ZNF407: variants seen among roughly 807,000 people sequenced by gnomAD.
ZNF407 encodes the protein zinc finger protein 407.
A neutral mutation model predicts 131.2 loss-of-function variants in ZNF407; 17 were observed. The observed-to-expected ratio is 0.13, with a 90% CI of 0.09 to 0.19. ZNF407 has a LOEUF of 0.19. Ranked by LOEUF, ZNF407 falls within the 10% of genes least tolerant of loss-of-function variation. The pLI is 1.00. For synonymous variants in ZNF407, 1,156 were observed against 1,062.0 expected (o/e 1.09, Z -1.72); for missense variants, 2,681 against 2,830.6 (o/e 0.95, Z 1.20).
At position 74,850,145 on chromosome 18, in the gene ZNF407, C is replaced by A. The variant is rs562416075; in HGVS notation, c.4878-27052C>A. Among the ~76,000 whole-genome samples, 489 of 152,306 alleles carry A rather than the reference C, an allele frequency of 3.2e-3. 4 individuals are homozygous for A. Among genetic ancestry groups the A allele is most frequent in the Admixed American group, 5.0e-3 (77 of 15,294 alleles). On this transcript the variant is annotated intron_variant, in intron 4 of 8. Coordinates refer to ENST00000299687, the MANE Select transcript of ZNF407 (RefSeq NM_017757.3). ...GAAATTTTAAAAACACTGAACACTA[C>A]AAATATTTACCATTTTTGCACTTTT...
chr18:74,721,010 T>C (rs559084291), intron 3 of ZNF407, among the ~76,000 whole-genome samples: 1 of 152,134 alleles, frequency 6.6e-6, no homozygotes, highest in South Asian at 2.1e-4. Flanking sequence ...TTTCAGAGTT[T>C]TTTTTTCTAT....
At chr18:74,743,071 G>A (rs146520486) in intron 3 of ZNF407, among the ~76,000 whole-genome samples, 1 of 152,242 alleles carries the variant, frequency 6.6e-6, no homozygotes, top group Non-Finnish European at 1.5e-5. Flanking sequence ...TGGAATTGGA[G>A]GAGTGAAGAT....
chr18:74,609,987 C>G (rs1982983495), intron 1 of ZNF407, among the ~76,000 whole-genome samples: 1 of 152,132 alleles, frequency 6.6e-6, no homozygotes, highest in East Asian at 1.9e-4. Context: ...TAAATTGTCT[C>G]TATTCTCAAA....
intron 3 of ZNF407, among the ~76,000 whole-genome samples, chr18:74,773,346 A>T (rs1194095519): frequency 6.7e-6 from 1 of 148,916 alleles, no homozygotes; most frequent in African/African-American, 2.6e-5. Flanking sequence ...AGTGGTTTGG[A>T]ACTATCAGTA....
intron 4 of ZNF407, among the ~76,000 whole-genome samples, chr18:74,824,020 C>G (rs1379189957): frequency 3.9e-5 from 6 of 152,170 alleles, no homozygotes; most frequent in Non-Finnish European, 4.4e-5. Flanking sequence ...GTCTCTCAGA[C>G]CACAGTGGAA....
intron 4 of ZNF407, among the ~76,000 whole-genome samples, chr18:74,834,238 CA>C (rs1970524952): frequency 6.6e-6 from 1 of 152,194 alleles, no homozygotes; most frequent in African/African-American, 2.4e-5. Context: ...AAAATTTTCA[CA>C]GCTGATTTAG....
intron 3 of ZNF407, among the ~76,000 whole-genome samples, chr18:74,737,986 T>C (rs1968456456): frequency 6.6e-6 from 1 of 152,190 alleles, no homozygotes; most frequent in South Asian, 2.1e-4. Context: ...TGGTTTATTT[T>C]GTATTTTGTG....
In ZNF407 at chr18:74,950,077, C is replaced by T. The variant is rs114453389; in HGVS notation, c.5428+29385C>T. On this transcript the variant is annotated intron_variant, in intron 8 of 8. Transcript: ENST00000299687. ...ATGGGTGGTGGAAGCACTGAATGGC[C>T]ATAAGACATCCACTGAATGCCAGCT... is the stretch of plus-strand genomic sequence containing the variant. 9.2e-3 allele frequency among the ~76,000 whole-genome samples: 1,407 copies of T among 152,248 alleles called. 25 individuals carry two copies. Among genetic ancestry groups the T allele is most frequent in the African/African-American group, 0.031 (1,275 of 41,554 alleles).
intron 3 of ZNF407, among the ~76,000 whole-genome samples, chr18:74,676,544 C>T (rs1158314414): frequency 6.6e-6 from 1 of 151,382 alleles, no homozygotes; most frequent in Non-Finnish European, 1.5e-5. Flanking sequence ...TCACGCCATT[C>T]TCCTGCCTCA....
At chr18:74,943,187 A>T (rs1287115604) in intron 8 of ZNF407, among the ~76,000 whole-genome samples, 5 of 152,140 alleles carry the variant, frequency 3.3e-5, no homozygotes, top group Admixed American at 6.5e-5. Flanking sequence ...AAGTGCTGAG[A>T]TTACAGGTGT....
At chr18:75,025,570 T>C (rs1288679512) in intron 8 of ZNF407, among the ~76,000 whole-genome samples, 1 of 152,240 alleles carries the variant, frequency 6.6e-6, no homozygotes, top group Non-Finnish European at 1.5e-5. Flanking sequence ...ACCACTAGTT[T>C]CCTTTCCCTT....
intron 8 of ZNF407, among the ~76,000 whole-genome samples, chr18:74,933,095 A>G (rs1367117192): frequency 2.0e-5 from 3 of 152,226 alleles, no homozygotes; most frequent in Admixed American, 2.0e-4. Context: ...TTGTACACCC[A>G]TGTTCATAGC....
chr18:74,727,414 T>G (rs1353223743), intron 3 of ZNF407, among the ~76,000 whole-genome samples: 4 of 152,090 alleles, frequency 2.6e-5, no homozygotes, highest in Non-Finnish European at 5.9e-5. Context: ...CTGCTGGTTA[T>G]TTGTTTTTTG....
intron 1 of ZNF407, among the ~76,000 whole-genome samples, chr18:74,609,407 A>C (rs62097588): frequency 6.6e-6 from 1 of 152,172 alleles, no homozygotes; most frequent in Non-Finnish European, 1.5e-5. Context: ...CCCATATAGC[A>C]TGTTACTGTA....
intron 1 of ZNF407, among the ~76,000 whole-genome samples, chr18:74,606,041 A>C (rs1982790765): frequency 6.6e-6 from 1 of 152,220 alleles, no homozygotes; most frequent in African/African-American, 2.4e-5. Context: ...TTTCACGCCA[A>C]AGCGCCCTAA....
intron 3 of ZNF407, among the ~76,000 whole-genome samples, chr18:74,699,601 A>G (rs1967445137): frequency 6.6e-6 from 1 of 152,122 alleles, no homozygotes; most frequent in South Asian, 2.1e-4. Context: ...GGATGAGGCG[A>G]GCTACTCCAG....
intron 8 of ZNF407, among the ~76,000 whole-genome samples, chr18:74,988,651 A>T (rs113559879): frequency 1.2e-3 from 189 of 151,786 alleles, no homozygotes; most frequent in African/African-American, 4.3e-3. Flanking sequence ...ATAATAATAA[A>T]AAAAATAAAT....
intron 1 of ZNF407, among the ~76,000 whole-genome samples, chr18:74,600,951 A>T (rs1443908909): frequency 6.6e-6 from 1 of 152,142 alleles, no homozygotes; most frequent in African/African-American, 2.4e-5. Flanking sequence ...GGGGACAGGG[A>T]TCTTTTAGAG....
intron 8 of ZNF407, among the ~76,000 whole-genome samples, chr18:74,928,823 C>A (rs1157774479): frequency 1.3e-5 from 2 of 152,054 alleles, no homozygotes; most frequent in African/African-American, 4.8e-5. Flanking sequence ...TCTTTGGGAT[C>A]CCTTTGGCCG....
Sources: allele counts gnomAD v4.1 joint callset (sites outside exome capture counted in the v4.1 genomes callset), GRCh38; gene constraint gnomAD v4.1.1; transcripts MANE v1.5; gene names NCBI Gene and HGNC (gene_info 2026-07-23, HGNC 2026-07-21).